LNX1: variants seen among roughly 807,000 people sequenced by gnomAD.
The protein encoded by LNX1 is ligand of numb-protein X 1, also known as E3 ubiquitin-protein ligase LNX.
A neutral mutation model predicts 68.4 loss-of-function variants in LNX1; 54 were observed. That is an observed-to-expected ratio of 0.79 (90% CI 0.63 to 0.99). LNX1 has a LOEUF of 0.99. Ranked by LOEUF, LNX1 falls within the 50% of genes least tolerant of loss-of-function variation. The pLI is 0.00. For synonymous variants in LNX1, 336 were observed against 350.0 expected (o/e 0.96, Z 0.45); for missense variants, 906 against 926.4 (o/e 0.98, Z 0.29).
At chr4:53,517,298 A>G (rs1303751490) in intron 2 of LNX1, among the ~76,000 whole-genome samples, 2 of 152,206 alleles carry the variant, frequency 1.3e-5, no homozygotes, top group Admixed American at 6.5e-5. Context: ...TAGTTTAAAT[A>G]TATGATAACT....
chr4:53,500,782 A>G (rs1725418787), intron 4 of LNX1, among the ~76,000 whole-genome samples: 1 of 152,140 alleles, frequency 6.6e-6, no homozygotes, highest in African/African-American at 2.4e-5. Context: ...TGTTTAAACT[A>G]CTTTGGTTAT....
chr4:53,498,833 C>T lies in LNX1; in HGVS notation c.786G>A (p.Arg262=). ...ENTTAPEVFP[R]LYHLIPDGEI... ...CACCATCTGGAATCAGGTGGTACAA[C>T]CTTGGAAAGACTGAAATGGACAAAG... The change falls in exon 5 of 11, where the codon AGG becomes AGA. Residue 262 remains arginine, a synonymous_variant. Coordinates refer to ENST00000263925, the MANE Select transcript of LNX1 (RefSeq NM_001126328.3). The T allele has an allele frequency of 6.2e-7, 1 of 1,613,172 alleles. No homozygotes were observed. Among genetic ancestry groups the T allele is most frequent in the Non-Finnish European group, 8.5e-7 (1 of 1,179,492 alleles).
chr4:53,600,593 C>A (rs564348235), intron 2 of LNX1, among the ~76,000 whole-genome samples: 2 of 152,052 alleles, frequency 1.3e-5, no homozygotes, highest in African/African-American at 4.8e-5. Flanking sequence ...AGTCAGATTC[C>A]GACTAACAGG....
chr4:53,545,196 T>C (rs1729022489), intron 2 of LNX1, among the ~76,000 whole-genome samples: 1 of 152,236 alleles, frequency 6.6e-6, no homozygotes, highest in African/African-American at 2.4e-5. Flanking sequence ...GTCTGCTCTC[T>C]TATGCCTACT....
At chr4:53,630,927 C>T (rs983384430) in intron 1 of LNX1, among the ~76,000 whole-genome samples, 1 of 152,162 alleles carries the variant, frequency 6.6e-6, no homozygotes, top group Non-Finnish European at 1.5e-5. Context: ...TAGGATAGGG[C>T]ATGGGAACCA....
chr4:53,467,834 G>A (rs1356249311), intron 9 of LNX1, among the ~76,000 whole-genome samples: 7 of 152,322 alleles, frequency 4.6e-5, no homozygotes, highest in African/African-American at 1.7e-4. Flanking sequence ...AGAAATATGG[G>A]ACTATGTGAA....
At position 53,493,062 on chromosome 4, in the gene LNX1, C is replaced by T. The variant is rs373094002; in HGVS notation, c.1350+2961G>A. ...TTGGCTCACTGAAACCTCCGCCTCCCGAGTTCAAGCAGTTCTCCTACCTCA... is the reference window on the plus strand; with the variant it reads ...TTGGCTCACTGAAACCTCCGCCTCCTGAGTTCAAGCAGTTCTCCTACCTCA... On this transcript the variant is annotated intron_variant, in intron 6 of 10. Coordinates refer to ENST00000263925, the MANE Select transcript of LNX1 (RefSeq NM_001126328.3). Among the ~76,000 whole-genome samples, 612 of 152,182 alleles carry T rather than the reference C, an allele frequency of 4.0e-3. 1 individual carries two copies. Among genetic ancestry groups the T allele is most frequent in the Middle Eastern group, 0.024 (7 of 294 alleles).
intron 6 of LNX1, among the ~76,000 whole-genome samples, chr4:53,491,984 A>G (rs1317123179): frequency 6.6e-6 from 1 of 151,640 alleles, no homozygotes; most frequent in East Asian, 1.9e-4. Context: ...ATAGGATTTC[A>G]CCCTGTTGAC....
At chr4:53,576,176 T>G (rs2109786399) in intron 1 of LNX1, 1 of 1,578,298 alleles carries the variant, frequency 6.3e-7, no homozygotes, top group African/African-American at 1.3e-5. Flanking sequence ...GTTGCTGACT[T>G]TCAGTGGTGG....
At chr4:53,583,597 T>C (rs1252813973) in intron 1 of LNX1, among the ~76,000 whole-genome samples, 1 of 151,328 alleles carries the variant, frequency 6.6e-6, no homozygotes, top group Non-Finnish European at 1.5e-5. Context: ...GTCAGAAACA[T>C]GTCAAGAAAT....
At chr4:53,542,202 A>G (rs1728809547) in intron 2 of LNX1, among the ~76,000 whole-genome samples, 1 of 152,228 alleles carries the variant, frequency 6.6e-6, no homozygotes, top group African/African-American at 2.4e-5. Context: ...GGGAATAACT[A>G]TTAGGAAAGT....
rs754995456 is a variant in LNX1, at chr4:53,496,040, C to T, written c.1333G>A (p.Ala445Thr). The T allele has an allele frequency of 3.1e-6, 5 of 1,613,158 alleles. No individual in the cohort carries two copies. In the East Asian group the frequency reaches 8.9e-5, roughly 29 times the overall value. The change falls in exon 6 of 11, where the codon GCG becomes ACG. Residue 445 changes from alanine to threonine, a missense_variant. By Grantham distance (58) the Ala-to-Thr change is moderately conservative. Transcript: ENST00000263925. ...HDLRYGSPES[A>T]AHLIQASERR... ...TGACTCACCTGAATCAGATGAGCCG[C>T]ACTTTCTGGGCTGCCATATCGAAGA...
At chr4:53,541,792 T>A (rs1420797013) in intron 2 of LNX1, among the ~76,000 whole-genome samples, 1 of 152,144 alleles carries the variant, frequency 6.6e-6, no homozygotes, top group Non-Finnish European at 1.5e-5. Context: ...GATTTACAAG[T>A]AAAAGAGGCA....
At chr4:53,554,783 C>T (rs1346840083) in intron 2 of LNX1, among the ~76,000 whole-genome samples, 2 of 150,348 alleles carry the variant, frequency 1.3e-5, no homozygotes, top group African/African-American at 2.5e-5. Context: ...ACCCGGGAGG[C>T]GGAGGTTGCA....
chr4:53,650,477 T>C (rs548286934), intron 1 of LNX1, among the ~76,000 whole-genome samples: 13 of 152,260 alleles, frequency 8.5e-5, no homozygotes, highest in African/African-American at 3.1e-4. Flanking sequence ...TTCTGATGAA[T>C]GTCAGAGAAG....
At chr4:53,576,400 C>A in intron 1 of LNX1, 1 of 1,553,020 alleles carries the variant, frequency 6.4e-7, no homozygotes. Flanking sequence ...CCTCACATGA[C>A]CAGTCCTATT....
At chr4:53,527,414 G>A (rs1727696203) in intron 2 of LNX1, among the ~76,000 whole-genome samples, 1 of 152,142 alleles carries the variant, frequency 6.6e-6, no homozygotes, top group Non-Finnish European at 1.5e-5. Flanking sequence ...ATCCTTCTGA[G>A]AGTGAGTTTG....
chr4:53,524,960 C>T (rs1274060648), intron 2 of LNX1, among the ~76,000 whole-genome samples: 1 of 152,142 alleles, frequency 6.6e-6, no homozygotes, highest in Non-Finnish European at 1.5e-5. Flanking sequence ...TCTTAGACTT[C>T]CCCTTGTGGA....
At chr4:53,619,846 C>T (rs1174585485), upstream of LNX1, among the ~76,000 whole-genome samples, 1 of 152,192 alleles carries the variant, frequency 6.6e-6, no homozygotes, top group African/African-American at 2.4e-5. Flanking sequence ...CATGAAGTTT[C>T]TGTTTTCTCC....
Sources: allele counts gnomAD v4.1 joint callset (sites outside exome capture counted in the v4.1 genomes callset), GRCh38; gene constraint gnomAD v4.1.1; transcripts MANE v1.5; gene names NCBI Gene and HGNC (gene_info 2026-07-23, HGNC 2026-07-21).